The following SNTG2 variants were observed in gnomAD, a reference collection of about 807,000 sequenced individuals.
The protein encoded by SNTG2 is syntrophin gamma 2, also known as gamma-2-syntrophin.
A neutral mutation model predicts 70.9 loss-of-function variants in SNTG2; 74 were observed. That is an observed-to-expected ratio of 1.04 (90% CI 0.86 to 1.27). The LOEUF (loss-of-function observed/expected upper bound fraction) is 1.27. SNTG2 is among the 50% of genes most tolerant of loss of function. The probability of loss-of-function intolerance (pLI) is 0.00; values close to 1 mark genes in which losing one functional copy is unlikely to be tolerated. For synonymous variants in SNTG2, 278 were observed against 273.8 expected (o/e 1.02, Z -0.15); for missense variants, 717 against 690.7 (o/e 1.04, Z -0.43).
chr2:953,457 A>G (rs1200088200), intron 1 of SNTG2, among the ~76,000 whole-genome samples: 2 of 152,356 alleles, frequency 1.3e-5, no homozygotes, highest in African/African-American at 4.8e-5. Context: ...ACGTTAGGTC[A>G]TTTTAAAGGT....
At chr2:1,105,116 G>A (rs1226203824) in intron 4 of SNTG2, among the ~76,000 whole-genome samples, 1 of 152,164 alleles carries the variant, frequency 6.6e-6, no homozygotes, top group Non-Finnish European at 1.5e-5. Context: ...CTCCCTTAGG[G>A]GAATGCAGGG....
At chr2:1,346,661 A>G (rs1217260001) in intron 16 of SNTG2, 1 of 152,204 alleles carries the variant, frequency 6.6e-6, no homozygotes, top group Non-Finnish European at 1.5e-5. Context: ...CGACCTGGGG[A>G]CACACAGTCT....
At chr2:1,173,893 C>T (rs933223883) in intron 8 of SNTG2, among the ~76,000 whole-genome samples, 2 of 152,236 alleles carry the variant, frequency 1.3e-5, no homozygotes, top group Admixed American at 1.3e-4. Flanking sequence ...CATTAGTGCA[C>T]GAGAAATGTA....
At chr2:1,180,975 G>A (rs1671846778) in intron 8 of SNTG2, among the ~76,000 whole-genome samples, 1 of 151,960 alleles carries the variant, frequency 6.6e-6, no homozygotes, top group South Asian at 2.1e-4. Flanking sequence ...AGGACAAAAA[G>A]CAAACACCAC....
chr2:1,191,748 T>G (rs1672606670), intron 8 of SNTG2, among the ~76,000 whole-genome samples: 1 of 152,166 alleles, frequency 6.6e-6, no homozygotes, highest in African/African-American at 2.4e-5. Context: ...TGAGCCGACA[T>G]CGTGCCACTG....
At chr2:1,183,114 T>G (rs1478655353) in intron 8 of SNTG2, among the ~76,000 whole-genome samples, 1 of 152,196 alleles carries the variant, frequency 6.6e-6, no homozygotes, top group Non-Finnish European at 1.5e-5. Context: ...GAATTTCACA[T>G]GAATGAGAGT....
chr2:1,196,099 T>C lies in SNTG2; in HGVS notation c.592-13004T>C, dbSNP rs372324192. Among the ~76,000 whole-genome samples the C allele has an allele frequency of 3.9e-5, 6 of 152,134 alleles. No individual in the cohort carries two copies. The South Asian group carries it at 8.3e-4, about 21-fold the overall frequency. On this transcript the variant is annotated intron_variant, in intron 8 of 16. Coordinates refer to ENST00000308624, the MANE Select transcript of SNTG2 (RefSeq NM_018968.4). ...GAGTAACTGCTTTATAGTTTCAGAC[T>C]CCAAGTTAGGTCAGAATACTCAATA... is the stretch of plus-strand genomic sequence containing the variant.
chr2:1,098,151 T>G (rs772351768), intron 2 of SNTG2, 45 bp from the exon 3 acceptor site: 1 of 1,586,916 alleles, frequency 6.3e-7, no homozygotes, highest in Admixed American at 1.7e-5. Flanking sequence ...TTTCTGATAG[T>G]GCATTTTAAC....
intron 1 of SNTG2, among the ~76,000 whole-genome samples, chr2:958,327 A>G (rs1419469810): frequency 1.3e-5 from 2 of 152,248 alleles, no homozygotes; most frequent in South Asian, 2.1e-4. Flanking sequence ...CTGTTTTCTT[A>G]TAACTGAGGT....
intron 1 of SNTG2, among the ~76,000 whole-genome samples, chr2:986,138 C>T: frequency 6.9e-6 from 1 of 144,482 alleles, no homozygotes; most frequent in East Asian, 2.1e-4. Flanking sequence ...TGCTGAGTAT[C>T]AATTTTCCTT....
chr2:1,095,938 G>A (rs764543332), intron 2 of SNTG2, among the ~76,000 whole-genome samples: 3 of 152,160 alleles, frequency 2.0e-5, no homozygotes, highest in Non-Finnish European at 4.4e-5. Context: ...GCTGGCAGGT[G>A]GACGGACGCC....
At position 1,037,728 on chromosome 2, in the gene SNTG2, C is replaced by G. The variant is rs548550379; in HGVS notation, c.73-45790C>G. On this transcript the variant is annotated intron_variant, in intron 1 of 16. Coordinates refer to ENST00000308624, the MANE Select transcript of SNTG2 (RefSeq NM_018968.4). ...CTTTTGTGTTTGGGTTCTTCTACTT[C>G]GCATCATGTTTTGGGGGTTCATTTT... 3.9e-5 allele frequency among the ~76,000 whole-genome samples: 6 copies of G among 152,292 alleles called. No individual in the cohort carries two copies. In the South Asian group the frequency reaches 1.2e-3, roughly 32 times the overall value.
intron 9 of SNTG2, among the ~76,000 whole-genome samples, chr2:1,232,750 T>A (rs1676341884): frequency 6.6e-6 from 1 of 152,220 alleles, no homozygotes; most frequent in South Asian, 2.1e-4. Context: ...AAAAATAATA[T>A]ACTACAGAGA....
chr2:1,105,786 A>C (rs4479454), intron 4 of SNTG2, among the ~76,000 whole-genome samples: 1 of 152,102 alleles, frequency 6.6e-6, no homozygotes, highest in Admixed American at 6.5e-5. Flanking sequence ...AGCTCACCTC[A>C]CATCCTGGGT....
intron 1 of SNTG2, among the ~76,000 whole-genome samples, chr2:985,973 G>A (rs1168398467): frequency 6.6e-6 from 1 of 151,896 alleles, no homozygotes; most frequent in Non-Finnish European, 1.5e-5. Context: ...ATTTTTCTGA[G>A]AAGCAAAGCT....
chr2:1,290,173 C>A (rs1572928621), intron 14 of SNTG2, among the ~76,000 whole-genome samples: 2 of 152,214 alleles, frequency 1.3e-5, no homozygotes, highest in East Asian at 3.9e-4. Context: ...GTTTAATTGA[C>A]TCACAGTTCC....
intron 9 of SNTG2, among the ~76,000 whole-genome samples, chr2:1,220,654 G>A (rs1372622791): frequency 6.6e-6 from 1 of 152,216 alleles, no homozygotes; most frequent in Non-Finnish European, 1.5e-5. Flanking sequence ...GAAGATTAGG[G>A]TGTTCATGTT....
intron 14 of SNTG2, among the ~76,000 whole-genome samples, chr2:1,291,339 A>G (rs1362270229): frequency 1.3e-5 from 2 of 152,196 alleles, no homozygotes; most frequent in Non-Finnish European, 2.9e-5. Context: ...CTGATACACA[A>G]AAGTTTTAAT....
At chr2:972,800 C>T (rs1043592256) in intron 1 of SNTG2, among the ~76,000 whole-genome samples, 2 of 152,122 alleles carry the variant, frequency 1.3e-5, no homozygotes, top group Non-Finnish European at 2.9e-5. Flanking sequence ...CTTTGTCTTC[C>T]ACCATGATTG....
Sources: gnomAD v4.1 joint callset for allele counts (sites outside exome capture counted in the v4.1 genomes callset) on GRCh38, gnomAD v4.1.1 for gene constraint, MANE v1.5 for transcripts, NCBI Gene and HGNC (gene_info 2026-07-23, HGNC 2026-07-21) for gene names.